LCMT1: variants seen among roughly 807,000 people sequenced by gnomAD.
LCMT1 encodes [Phosphatase 2A protein]-leucine-carboxy methyltransferase 1.
Under a neutral mutation model 47.7 loss-of-function variants are expected in LCMT1, and 32 were observed. The observed-to-expected ratio is 0.67, with a 90% CI of 0.51 to 0.90. LCMT1 has a LOEUF of 0.90. LCMT1 is among the 40% of genes least tolerant of loss of function. The pLI, the probability that LCMT1 is intolerant of heterozygous loss-of-function variation, is 0.00. For synonymous variants in LCMT1, 152 were observed against 149.7 expected (o/e 1.02, Z -0.11); for missense variants, 375 against 415.2 (o/e 0.90, Z 0.84).
rs200758814 is a variant in LCMT1 at position 25,164,581 on chromosome 16, T to C, written c.570-17T>C. ...GATGATAACAAATTTATGTGCCTTTTTTTCCTTATCTTTAAGATTGCCAAC... is the reference window on the plus strand; with the variant it reads ...GATGATAACAAATTTATGTGCCTTTCTTTCCTTATCTTTAAGATTGCCAAC... On this transcript the variant is annotated splice_polypyrimidine_tract_variant and intron_variant, in intron 6 of 10. Transcript: ENST00000399069. 3.1e-4 allele frequency: 505 copies of C among 1,613,892 alleles called. 2 individuals are homozygous for C. In the East Asian group the frequency reaches 3.1e-3, roughly 10 times the overall value.
intron 2 of LCMT1, 195 bp from the exon 3 acceptor site, chr16:25,132,207 T>G (rs1960367618): frequency 3.4e-6 from 2 of 589,890 alleles, no homozygotes; most frequent in African/African-American, 3.7e-5. Context: ...TATACTTACC[T>G]TGGTTCAGAT....
At chr16:25,152,881 C>A (rs1171480470) in intron 5 of LCMT1, among the ~76,000 whole-genome samples, 2 of 152,148 alleles carry the variant, frequency 1.3e-5, no homozygotes, top group Non-Finnish European at 2.9e-5. Flanking sequence ...ATTTCTGAGC[C>A]TTTCAAATTA....
chr16:25,176,297 G>C (rs530274161), intron 10 of LCMT1, among the ~76,000 whole-genome samples: 1 of 152,140 alleles, frequency 6.6e-6, no homozygotes, highest in Non-Finnish European at 1.5e-5. Flanking sequence ...CCGGCCTTCA[G>C]TGGAATAGCT....
chr16:25,132,633 T>A, intron 3 of LCMT1, 110 bp downstream of exon 3: 1 of 1,211,416 alleles, frequency 8.3e-7, no homozygotes, highest in Non-Finnish European at 1.1e-6. Context: ...CGAAAGCCTG[T>A]CTCCCACCCC....
chr16:25,132,470 T>G lies in LCMT1; in HGVS notation c.274T>G (p.Cys92Gly). ...KAFLRKTECH[C>G]QIVNLGAGMD... ...ATTTCTACGGAAGACAGAATGTCAT[T>G]GTCAAATTGTCAACCTTGGGGCAGG... Residue 92 changes from cysteine (C) to glycine (G), a missense_variant, in exon 3 of 11, where the codon TGT becomes GGT. Transcript: ENST00000399069. 6.2e-7 allele frequency: 1 copy of G among 1,613,928 alleles called. No individual in the cohort carries two copies. Among genetic ancestry groups the G allele is most frequent in the South Asian group, 1.1e-5 (1 of 91,088 alleles).
intron 1 of LCMT1, among the ~76,000 whole-genome samples, chr16:25,127,217 C>CAG (rs1960216788): frequency 6.6e-6 from 1 of 152,148 alleles, no homozygotes; most frequent in Admixed American, 6.5e-5. Flanking sequence ...TTTTATTTTA[C>CAG]TTGGTTCAAC....
At chr16:25,130,017 G>A (rs1745541332) in intron 2 of LCMT1, among the ~76,000 whole-genome samples, 1 of 152,138 alleles carries the variant, frequency 6.6e-6, no homozygotes, top group African/African-American at 2.4e-5. Context: ...GACAGCAGTA[G>A]GCCTAGGCTT....
chr16:25,122,131 A>C (rs967344029), intron 1 of LCMT1, among the ~76,000 whole-genome samples: 9 of 152,200 alleles, frequency 5.9e-5, no homozygotes, highest in African/African-American at 2.2e-4. Context: ...GTACCTACCC[A>C]TGGTGAATGC....
intron 10 of LCMT1, among the ~76,000 whole-genome samples, chr16:25,176,813 C>T (rs1209474343): frequency 4.0e-5 from 6 of 149,888 alleles, no homozygotes; most frequent in Non-Finnish European, 8.9e-5. Context: ...CTGCCTGGCT[C>T]GGCCCCCCAA....
chr16:25,123,860 C>T (rs972357569), intron 1 of LCMT1, among the ~76,000 whole-genome samples: 6 of 152,084 alleles, frequency 3.9e-5, no homozygotes, highest in Non-Finnish European at 5.9e-5. Flanking sequence ...CCGCCCGCCT[C>T]GGCCTCCCAA....
At chr16:25,163,412 T>A (rs1347990604) in intron 6 of LCMT1, among the ~76,000 whole-genome samples, 1 of 145,658 alleles carries the variant, frequency 6.9e-6, no homozygotes, top group African/African-American at 2.6e-5. Context: ...GAAGTTGCAG[T>A]GAGCTGAGAT....
At position 25,111,918 on chromosome 16, in the gene LCMT1, C is replaced by T. The variant is rs760450090; in HGVS notation, c.35C>T (p.Ser12Phe). 23 of 1,613,550 alleles carry T rather than the reference C, an allele frequency of 1.4e-5. No homozygotes were observed. Among genetic ancestry groups the T allele is most frequent in the Non-Finnish European group, 1.8e-5 (21 of 1,179,704 alleles). ...AGGCAGAGGGAATCCTCTATCACCT[C>T]CTGCTGTTCCACCTCGAGCTGCGAC... ...ATRQRESSIT[S>F]CCSTSSCDAD... Residue 12 changes from serine to phenylalanine, a missense_variant, in exon 1 of 11, where the codon TCC (serine) becomes TTC (phenylalanine). Ser to Phe is a radical substitution (Grantham distance 155, BLOSUM62 -2). Coordinates refer to ENST00000399069, the MANE Select transcript of LCMT1 (RefSeq NM_016309.3).
intron 1 of LCMT1, among the ~76,000 whole-genome samples, chr16:25,125,216 T>C (rs1001083958): frequency 3.9e-5 from 6 of 152,224 alleles, no homozygotes; most frequent in African/African-American, 9.6e-5. Flanking sequence ...AACACTTTGG[T>C]GTCTGCTGTG....
In LCMT1 at chr16:25,111,958, C is replaced by A; in HGVS notation, c.75C>A (p.Gly25=). The part of the protein sequence containing the change: ...STSSCDADDE[G]VRGTCEDASL... The stretch of plus-strand genomic sequence containing the variant: ...CGAGCTGCGACGCAGACGACGAGGG[C>A]GTGCGCGGCACCTGCGAAGATGCTT... The change falls in exon 1 of 11, where the codon GGC becomes GGA. Residue 25 remains glycine (G), a synonymous_variant. Coordinates refer to ENST00000399069, the MANE Select transcript of LCMT1 (RefSeq NM_016309.3). 6.2e-7 allele frequency: 1 copy of A among 1,613,554 alleles called. No homozygotes were observed. The highest frequency in any genetic ancestry group is 1.1e-5 in the South Asian group (1 of 91,084).
chr16:25,123,223 C>CTTTTTTTTTT (rs750991801), intron 1 of LCMT1, among the ~76,000 whole-genome samples: 5 of 116,184 alleles, frequency 4.3e-5, no homozygotes, highest in African/African-American at 1.7e-4. Context: ...TATATAACTT[C>CTTTTTTTTTT]TTTTTTTTTT....
intron 4 of LCMT1, chr16:25,140,561 G>A (rs550394828): frequency 3.1e-6 from 1 of 327,780 alleles, no homozygotes; most frequent in Non-Finnish European, 5.7e-6. Context: ...GGAGACAGCA[G>A]AGGCACAAGG....
At chr16:25,166,086 A>G (rs952436334) in intron 7 of LCMT1, among the ~76,000 whole-genome samples, 13 of 151,688 alleles carry the variant, frequency 8.6e-5, no homozygotes, top group African/African-American at 2.9e-4. Context: ...ACTGGCCAAC[A>G]TGGTGAAACC....
chr16:25,134,834 C>T (rs112871442), intron 3 of LCMT1, among the ~76,000 whole-genome samples: 1 of 152,152 alleles, frequency 6.6e-6, no homozygotes, highest in Non-Finnish European at 1.5e-5. Context: ...CTCCTGGCCT[C>T]AAGTGGTCCA....
rs145551735 is a variant in LCMT1 at position 25,160,237 on chromosome 16, G to A, written c.467-865G>A. Reference sequence around the variant, plus strand: ...GTTGGGATTACAGGCGTGAGCCACCGTGCCCAGCCAATAGAAATGTAAATT... The same window carrying A: ...GTTGGGATTACAGGCGTGAGCCACCATGCCCAGCCAATAGAAATGTAAATT... On this transcript the variant is annotated intron_variant, in intron 5 of 10. Coordinates refer to ENST00000399069, the MANE Select transcript of LCMT1 (RefSeq NM_016309.3). Among the ~76,000 whole-genome samples the A allele has an allele frequency of 5.4e-3, 824 of 152,248 alleles. 7 individuals carry two copies. Among genetic ancestry groups the A allele is most frequent in the Non-Finnish European group, 7.9e-3 (534 of 68,006 alleles).
Sources: gnomAD v4.1 joint callset for allele counts (sites outside exome capture counted in the v4.1 genomes callset) on GRCh38, gnomAD v4.1.1 for gene constraint, MANE v1.5 for transcripts, NCBI Gene and HGNC (gene_info 2026-07-23, HGNC 2026-07-21) for gene names.